Variants in ZSCAN25 observed in about 807,000 individuals in gnomAD.
ZSCAN25 encodes the protein zinc finger and SCAN domain containing 25.
A neutral mutation model predicts 38.7 loss-of-function variants in ZSCAN25; 27 were observed. The observed-to-expected ratio is 0.70, with a 90% CI of 0.51 to 0.96. ZSCAN25 has a LOEUF of 0.96. Among genes scored for constraint, ZSCAN25 ranks in the 40% least tolerant of loss-of-function variants. ZSCAN25 has a pLI of 0.00. For missense variants in ZSCAN25, 637 were observed against 705.9 expected, an observed-to-expected ratio of 0.90 and a Z score of 1.11; for synonymous variants, 273 against 277.7, an observed-to-expected ratio of 0.98 and a Z score of 0.17.
At chr7:99,735,279 T>A in the ZSCAN25 span, 1 of 734,252 alleles carries the variant, frequency 1.4e-6, no homozygotes, top group East Asian at 2.8e-5. Context: ...GCCCCCGTGC[T>A]CTGCCTGCAG....
chr7:99,681,460 C>T, the ZSCAN25 span, among the ~76,000 whole-genome samples: 20 of 152,168 alleles, frequency 1.3e-4, no homozygotes, highest in African/African-American at 3.9e-4. Context: ...TCCACATTCT[C>T]GCTGGCATTT....
At chr7:99,670,950 TTAGC>T in the ZSCAN25 span, 2 of 152,184 alleles carry the variant, frequency 1.3e-5, no homozygotes, top group African/African-American at 4.8e-5. Flanking sequence ...GTAGTGAAGT[TTAGC>T]TAGATATGTA....
the ZSCAN25 span, among the ~76,000 whole-genome samples, chr7:99,665,522 A>G: frequency 6.6e-6 from 1 of 152,216 alleles, no homozygotes; most frequent in Non-Finnish European, 1.5e-5. Context: ...GGGGTGATGG[A>G]GACACCAAGC....
chr7:99,639,285 G>T, the ZSCAN25 span, among the ~76,000 whole-genome samples: 2 of 152,222 alleles, frequency 1.3e-5, no homozygotes, highest in East Asian at 3.8e-4. Context: ...CCATGGACTG[G>T]ACCTGTTTCC....
chr7:99,718,432 C>G, the ZSCAN25 span, among the ~76,000 whole-genome samples: 3 of 152,080 alleles, frequency 2.0e-5, no homozygotes, highest in Admixed American at 6.6e-5. Flanking sequence ...AGCCAGCATG[C>G]TTGAAACTCT....
the ZSCAN25 span, among the ~76,000 whole-genome samples, chr7:99,672,271 C>T: frequency 2.6e-5 from 4 of 152,188 alleles, no homozygotes; most frequent in Non-Finnish European, 4.4e-5. Context: ...AGGCTGATCT[C>T]GAACTCCTGA....
chr7:99,664,340 T>C, the ZSCAN25 span, among the ~76,000 whole-genome samples: 1 of 152,222 alleles, frequency 6.6e-6, no homozygotes, highest in Admixed American at 6.5e-5. Flanking sequence ...GTGACCAAAG[T>C]AATAGAATTA....
chr7:99,684,167 TA>T, the ZSCAN25 span, among the ~76,000 whole-genome samples: 1 of 141,498 alleles, frequency 7.1e-6, no homozygotes, highest in African/African-American at 3.0e-5. Context: ...CAAAAAGGCA[TA>T]ATTTTTTTTT....
the ZSCAN25 span, chr7:99,638,621 C>T: frequency 8.8e-6 from 14 of 1,584,480 alleles, no homozygotes; most frequent in African/African-American, 6.7e-5. Flanking sequence ...ACTGTCTCCA[C>T]GTTGAAACCC....
chr7:99,689,470 G>A, the ZSCAN25 span, among the ~76,000 whole-genome samples: 28 of 152,200 alleles, frequency 1.8e-4, no homozygotes, highest in African/African-American at 6.0e-4. Context: ...AAACCAGGAA[G>A]AAGTTGAATC....
the ZSCAN25 span, chr7:99,705,389 A>G: frequency 2.5e-6 from 3 of 1,220,540 alleles, no homozygotes; most frequent in Non-Finnish European, 3.6e-6. Flanking sequence ...TATGCAGCAC[A>G]TTGGATGAAG....
chr7:99,707,862 G>C, the ZSCAN25 span: 1 of 1,614,004 alleles, frequency 6.2e-7, no homozygotes, highest in Non-Finnish European at 8.5e-7. Flanking sequence ...ACTCTGACTA[G>C]AGCAAGTTTC....
the ZSCAN25 span, among the ~76,000 whole-genome samples, chr7:99,666,417 T>C: frequency 6.6e-6 from 1 of 152,198 alleles, no homozygotes; most frequent in African/African-American, 2.4e-5. Flanking sequence ...GAGAAGGCCC[T>C]TTTCCCTTGC....
chr7:99,680,075 C>T, the ZSCAN25 span: 67 of 611,178 alleles, frequency 1.1e-4, no homozygotes, highest in Non-Finnish European at 1.8e-4. Flanking sequence ...AGCAAAGAAT[C>T]GCACACACCC....
the ZSCAN25 span, among the ~76,000 whole-genome samples, chr7:99,645,216 C>T: frequency 6.6e-6 from 1 of 152,186 alleles, no homozygotes; most frequent in Admixed American, 6.5e-5. Context: ...GTCTCGATCT[C>T]CTGACCTCGT....
At chr7:99,685,846 G>A in the ZSCAN25 span, among the ~76,000 whole-genome samples, 24 of 152,308 alleles carry the variant, frequency 1.6e-4, no homozygotes, top group African/African-American at 5.8e-4. Flanking sequence ...AGACTTTGGT[G>A]GCCCAGGGAC....
downstream of ZSCAN25, among the ~76,000 whole-genome samples, chr7:99,634,321 C>G (rs1236159491): frequency 6.6e-6 from 1 of 152,176 alleles, no homozygotes; most frequent in East Asian, 1.9e-4. Flanking sequence ...CTGTTTTATC[C>G]CAGCTGAGAG....
At chr7:99,715,047 G>A in the ZSCAN25 span, among the ~76,000 whole-genome samples, 6 of 152,296 alleles carry the variant, frequency 3.9e-5, no homozygotes, top group African/African-American at 1.2e-4. Context: ...AAATCAGATA[G>A]AAATAACACA....
chr7:99,647,815 TTC>T, the ZSCAN25 span: 1 of 985,292 alleles, frequency 1.0e-6, no homozygotes, highest in Non-Finnish European at 1.2e-6. Flanking sequence ...TTCTATAGAT[TTC>T]TCTTTAGTGT....
Sources: gnomAD v4.1 joint callset for allele counts (sites outside exome capture counted in the v4.1 genomes callset) on GRCh38, gnomAD v4.1.1 for gene constraint, MANE v1.5 for transcripts, NCBI Gene and HGNC (gene_info 2026-07-23, HGNC 2026-07-21) for gene names.